GLIS1: variants seen among roughly 807,000 people sequenced by gnomAD.
GLIS1 encodes GLIS family zinc finger 1.
Under a neutral mutation model 63.8 loss-of-function variants are expected in GLIS1, and 24 were observed. The observed-to-expected ratio is 0.38, with a 90% CI of 0.27 to 0.53. GLIS1 has a LOEUF of 0.53. Among genes scored for constraint, GLIS1 ranks in the 20% least tolerant of loss-of-function variants. The pLI, the probability that GLIS1 is intolerant of heterozygous loss-of-function variation, is 0.85. For missense variants in GLIS1, 1,036 were observed against 1,074.1 expected (o/e 0.96, Z 0.50); for synonymous variants, 450 against 482.5 (o/e 0.93, Z 0.88).
At chr1:53,712,732 C>T (rs1570091745) in intron 2 of GLIS1, among the ~76,000 whole-genome samples, 2 of 152,172 alleles carry the variant, frequency 1.3e-5, no homozygotes, top group Admixed American at 1.3e-4. Context: ...GCCCTCCTCC[C>T]GAGTGCCCCA....
intron 10 of GLIS1, among the ~76,000 whole-genome samples, chr1:53,508,586 G>A (rs542263744): frequency 1.8e-4 from 27 of 152,242 alleles, no homozygotes; most frequent in African/African-American, 5.8e-4. Context: ...CCTGGGCTGC[G>A]GGCACCCTCC....
chr1:53,577,460 G>C (rs571368947), intron 4 of GLIS1, among the ~76,000 whole-genome samples: 1 of 152,172 alleles, frequency 6.6e-6, no homozygotes, highest in South Asian at 2.1e-4. Context: ...TGACAAACAC[G>C]TGAGTCTTAC....
At chr1:53,597,368 G>GAA (rs529996482) in intron 3 of GLIS1, among the ~76,000 whole-genome samples, 20 of 99,988 alleles carry the variant, frequency 2.0e-4, no homozygotes, top group Admixed American at 5.4e-4. Flanking sequence ...GCGAGACCCA[G>GAA]AAAAAAAAAA....
intron 2 of GLIS1, among the ~76,000 whole-genome samples, chr1:53,676,013 T>C (rs1325634808): frequency 2.0e-5 from 3 of 152,106 alleles, no homozygotes; most frequent in East Asian, 1.9e-4. Flanking sequence ...AGTTAAGATG[T>C]GAAATGTCTT....
At chr1:53,562,536 C>T (rs1478159785) in intron 4 of GLIS1, among the ~76,000 whole-genome samples, 11 of 152,142 alleles carry the variant, frequency 7.2e-5, no homozygotes, top group African/African-American at 2.4e-4. Context: ...AACATCACCT[C>T]GCAAGAGCCT....
intron 2 of GLIS1, among the ~76,000 whole-genome samples, chr1:53,649,142 A>T (rs1645878843): frequency 6.6e-6 from 1 of 152,244 alleles, no homozygotes; most frequent in South Asian, 2.1e-4. Context: ...CATGACTTAA[A>T]TGCATAAAAT....
chr1:53,566,145 T>G (rs927986035), intron 4 of GLIS1, among the ~76,000 whole-genome samples: 13 of 152,298 alleles, frequency 8.5e-5, no homozygotes, highest in Admixed American at 7.2e-4. Flanking sequence ...ATTCTAAAAT[T>G]ATTAGCAAGT....
At chr1:53,731,946 C>G (rs867869389) in intron 2 of GLIS1, among the ~76,000 whole-genome samples, 12 of 152,226 alleles carry the variant, frequency 7.9e-5, no homozygotes, top group Admixed American at 5.9e-4. Flanking sequence ...AACTGAACTG[C>G]TCTCCATTTT....
At chr1:53,736,498 G>A (rs561786721) in intron 2 of GLIS1, among the ~76,000 whole-genome samples, 30 of 152,040 alleles carry the variant, frequency 2.0e-4, no homozygotes, top group Middle Eastern at 3.2e-3. Context: ...GGGAGCTCCC[G>A]GCAGCAAACA....
At chr1:53,525,456 G>A in intron 5 of GLIS1, among the ~76,000 whole-genome samples, 1 of 21,274 alleles carries the variant, frequency 4.7e-5, no homozygotes, top group Non-Finnish European at 1.0e-4. Flanking sequence ...AGAACACAGG[G>A]CTGGGGAGGC....
chr1:53,704,245 G>A (rs750605644), intron 2 of GLIS1, among the ~76,000 whole-genome samples: 2 of 152,214 alleles, frequency 1.3e-5, no homozygotes, highest in African/African-American at 2.4e-5. Flanking sequence ...GCACCTTGCC[G>A]AATGGCACTT....
At chr1:53,706,894 G>A (rs538346347) in intron 2 of GLIS1, among the ~76,000 whole-genome samples, 11 of 152,280 alleles carry the variant, frequency 7.2e-5, no homozygotes, top group Admixed American at 4.6e-4. Flanking sequence ...GGGCTGGTCC[G>A]TTTGCATAGT....
At chr1:53,548,791 A>G (rs1644731193) in intron 4 of GLIS1, among the ~76,000 whole-genome samples, 1 of 152,264 alleles carries the variant, frequency 6.6e-6, no homozygotes, top group African/African-American at 2.4e-5. Flanking sequence ...GGTACTTCAC[A>G]TAATCATAAA....
At chr1:53,579,965 C>A (rs181945492) in intron 4 of GLIS1, among the ~76,000 whole-genome samples, 1 of 152,358 alleles carries the variant, frequency 6.6e-6, no homozygotes, top group East Asian at 1.9e-4. Flanking sequence ...ACACGGTTAT[C>A]ATTTCCACTG....
chr1:53,675,486 A>G (rs557231764), intron 2 of GLIS1, among the ~76,000 whole-genome samples: 5 of 152,310 alleles, frequency 3.3e-5, no homozygotes, highest in African/African-American at 1.2e-4. Flanking sequence ...ACTTTGGGCA[A>G]GTCATGGCCC....
chr1:53,658,358 T>G (rs1645989318), intron 2 of GLIS1, among the ~76,000 whole-genome samples: 1 of 152,236 alleles, frequency 6.6e-6, no homozygotes, highest in African/African-American at 2.4e-5. Context: ...TGCCCTGTGC[T>G]AACACAGTAC....
intron 6 of GLIS1, among the ~76,000 whole-genome samples, 161 bp downstream of exon 6, chr1:53,524,616 G>C (rs1353048276): frequency 1.3e-5 from 2 of 152,176 alleles, no homozygotes; most frequent in Admixed American, 6.5e-5. Flanking sequence ...CTAAGGGCAG[G>C]TGGGAAGTGG....
At position 53,511,928 on chromosome 1, in the gene GLIS1, C is replaced by T. The variant is rs985546894; in HGVS notation, c.1884-1901G>A. ...GGGCCAGGTCTTGGCCCTTCTCGGT[C>T]ACCCGGTGCCCAGCGCTGGGCATGG... On this transcript the variant is annotated intron_variant, in intron 8 of 10. Coordinates refer to ENST00000628545, the MANE Select transcript of GLIS1 (RefSeq NM_001367484.1). The surrounding 1 kb of genome is among the most constrained non-coding windows in gnomAD (Gnocchi z 4.2). 2.6e-5 allele frequency among the ~76,000 whole-genome samples: 4 copies of T among 152,222 alleles called. No homozygotes were observed. The highest frequency in any genetic ancestry group is 9.6e-5 in the African/African-American group (4 of 41,470).
At chr1:53,686,664 G>A (rs1377804941) in intron 2 of GLIS1, among the ~76,000 whole-genome samples, 2 of 152,172 alleles carry the variant, frequency 1.3e-5, no homozygotes, top group Non-Finnish European at 2.9e-5. Context: ...CTGCTTGAAA[G>A]ATACAGGAAG....
Sources: gnomAD v4.1 joint callset for allele counts (sites outside exome capture counted in the v4.1 genomes callset) on GRCh38, gnomAD v4.1.1 for gene constraint, Gnocchi (gnomAD v3.1) non-coding constraint, MANE v1.5 for transcripts, NCBI Gene and HGNC (gene_info 2026-07-23, HGNC 2026-07-21) for gene names.